SLC22A23: variants seen among roughly 807,000 people sequenced by gnomAD.
SLC22A23 encodes ion transporter protein.
Under a neutral mutation model 61.0 loss-of-function variants are expected in SLC22A23, and 26 were observed. The ratio of observed to expected loss-of-function variants is 0.43; its 90% confidence interval spans 0.31 to 0.59. The LOEUF is 0.59. Ranked by LOEUF, SLC22A23 falls within the 20% of genes least tolerant of loss-of-function variation. The probability of loss-of-function intolerance (pLI) is 0.11; values close to 1 mark genes in which losing one functional copy is unlikely to be tolerated. For missense variants in SLC22A23, 796 were observed against 934.7 expected (o/e 0.85, Z 1.94); for synonymous variants, 430 against 413.9 (o/e 1.04, Z -0.47).
At chr6:3,288,862 T>C (rs1265748356) in intron 6 of SLC22A23, among the ~76,000 whole-genome samples, 2 of 152,182 alleles carry the variant, frequency 1.3e-5, no homozygotes, top group African/African-American at 4.8e-5. Flanking sequence ...GCTCTACTGT[T>C]GTTTGGGCAG....
intron 1 of SLC22A23, among the ~76,000 whole-genome samples, chr6:3,453,511 C>T (rs1463300554): frequency 3.9e-5 from 6 of 152,104 alleles, no homozygotes; most frequent in East Asian, 1.9e-4. Flanking sequence ...TTCTAACTGG[C>T]TTGACAGTTT....
Position 3,330,744 on chromosome 6 carries a change from G to A in SLC22A23, c.914-6742C>T, listed in dbSNP as rs959228526. Reference sequence around the variant, plus strand: ...ACATCTCCCCTTCCGCGTGGAAGGCGTCCTCTTTCCTCTTAACTTAGGATC... The same window carrying A: ...ACATCTCCCCTTCCGCGTGGAAGGCATCCTCTTTCCTCTTAACTTAGGATC... On this transcript the variant is annotated intron_variant, in intron 3 of 9. Transcript: ENST00000406686. This position sits in a 1 kb window ranked among gnomAD's most constrained non-coding sequence, Gnocchi z 4.7. 5.9e-5 allele frequency among the ~76,000 whole-genome samples: 9 copies of A among 152,170 alleles called. No homozygotes were observed. Among genetic ancestry groups the A allele is most frequent in the East Asian group, 1.9e-4 (1 of 5,198 alleles).
intron 3 of SLC22A23, among the ~76,000 whole-genome samples, chr6:3,359,338 T>A (rs1765298924): frequency 6.6e-6 from 1 of 152,196 alleles, no homozygotes; most frequent in African/African-American, 2.4e-5. Context: ...ACTGAGTGGT[T>A]CTCCTTAGGT....
intron 3 of SLC22A23, among the ~76,000 whole-genome samples, chr6:3,331,648 T>C (rs543318218): frequency 2.0e-5 from 3 of 152,372 alleles, no homozygotes; most frequent in African/African-American, 7.2e-5. Context: ...ACTAACATTA[T>C]AATGACTCAA....
chr6:3,287,955 G>A (rs1760203654), intron 6 of SLC22A23, among the ~76,000 whole-genome samples: 1 of 152,176 alleles, frequency 6.6e-6, no homozygotes, highest in Admixed American at 6.5e-5. Context: ...AAAGTGTTGG[G>A]ATTACAGGTG....
rs1348204911 is a variant in SLC22A23 at position 3,324,124 on chromosome 6, G to T, written c.914-122C>A. The T allele has an allele frequency of 3.2e-6, 4 of 1,249,306 alleles. No homozygotes were observed. The African/African-American group carries it at 5.9e-5, about 19-fold the overall frequency. 77.4% of individuals were successfully genotyped at this position (1,249,306 alleles called of 1,614,324 possible). ...ACGACTGAAATTGTTTTCATCTGCT[G>T]CCCACCACAAGTGCCCTATGTGGTG... On this transcript the variant is annotated intron_variant, in intron 3 of 9. Coordinates refer to ENST00000406686, the MANE Select transcript of SLC22A23 (RefSeq NM_015482.2). The surrounding 1 kb of genome is among the most constrained non-coding windows in gnomAD (Gnocchi z 4.3).
chr6:3,444,795 A>C, intron 1 of SLC22A23: 1 of 985,568 alleles, frequency 1.0e-6, no homozygotes, highest in Non-Finnish European at 1.2e-6. Flanking sequence ...CCCTGGATGC[A>C]GGCTTCCTGT....
intron 3 of SLC22A23, among the ~76,000 whole-genome samples, chr6:3,378,657 CTTT>C (rs574704294): frequency 4.2e-5 from 5 of 119,106 alleles, no homozygotes; most frequent in Admixed American, 9.8e-5. Flanking sequence ...TTTCTTTTTT[CTTT>C]TTTTTTTTTT....
intron 9 of SLC22A23, among the ~76,000 whole-genome samples, chr6:3,279,410 C>T (rs2127296443): frequency 6.9e-6 from 1 of 144,634 alleles, no homozygotes; most frequent in South Asian, 2.2e-4. Flanking sequence ...GCTTGGGAGG[C>T]TGAGGCAGGA....
rs561205914 is a variant in SLC22A23 at position 3,329,749 on chromosome 6, G to A, written c.914-5747C>T. Among the ~76,000 whole-genome samples the A allele has an allele frequency of 6.8e-4, 104 of 152,238 alleles. No individual in the cohort carries two copies. Among genetic ancestry groups the A allele is most frequent in the Admixed American group, 1.4e-3 (21 of 15,296 alleles). Reference sequence around the variant, plus strand: ...CGCACCTGGCTCATACTGAAGCCACGGAAGGCTTCCTATGTGTCGCTGGCC... The same window carrying A: ...CGCACCTGGCTCATACTGAAGCCACAGAAGGCTTCCTATGTGTCGCTGGCC... On this transcript the variant is annotated intron_variant, in intron 3 of 9. Coordinates refer to ENST00000406686, the MANE Select transcript of SLC22A23 (RefSeq NM_015482.2). The surrounding 1 kb of genome is among the most constrained non-coding windows in gnomAD (Gnocchi z 4.8).
At chr6:3,375,206 GA>G (rs1266794790) in intron 3 of SLC22A23, among the ~76,000 whole-genome samples, 2 of 152,150 alleles carry the variant, frequency 1.3e-5, no homozygotes, top group African/African-American at 4.8e-5. Flanking sequence ...ACAAGCCTAT[GA>G]AAAAAATGAA....
chr6:3,389,868 A>G (rs2127485447), intron 3 of SLC22A23, among the ~76,000 whole-genome samples: 1 of 152,376 alleles, frequency 6.6e-6, no homozygotes, highest in East Asian at 1.9e-4. Context: ...CACACCCGTT[A>G]GTGGAGAACG....
At chr6:3,383,035 T>C (rs1343289590) in intron 3 of SLC22A23, among the ~76,000 whole-genome samples, 1 of 152,150 alleles carries the variant, frequency 6.6e-6, no homozygotes, top group African/African-American at 2.4e-5. Context: ...AATTGTGTGT[T>C]AGGGTGAAGA....
rs1414833775 is a variant in SLC22A23, at chr6:3,398,481, A to T, written c.913+11707T>A. 8.4e-4 allele frequency among the ~76,000 whole-genome samples: 125 copies of T among 148,990 alleles called. 1 individual carries two copies. Among genetic ancestry groups the T allele is most frequent in the African/African-American group, 3.1e-3 (124 of 40,412 alleles). ...TTTTTTTTTTTTTTTTTTTTACAAGAATCATCAAAAGCCCTGTGGAAGGAA... is the reference window on the plus strand; with the variant it reads ...TTTTTTTTTTTTTTTTTTTTACAAGTATCATCAAAAGCCCTGTGGAAGGAA... On this transcript the variant is annotated intron_variant, in intron 3 of 9. Coordinates refer to ENST00000406686, the MANE Select transcript of SLC22A23 (RefSeq NM_015482.2).
Position 3,309,892 on chromosome 6 carries a change from G to C in SLC22A23, c.1083-11674C>G, listed in dbSNP as rs779927121. On this transcript the variant is annotated intron_variant, in intron 4 of 9. Transcript: ENST00000406686. This position sits in a 1 kb window ranked among gnomAD's most constrained non-coding sequence, Gnocchi z 4.7. ...TGGCCATGCTAATACCCTGCCTGGG[G>C]CTTCATGAATGGCAGAGGCAGGCCT... Among the ~76,000 whole-genome samples, 29 of 152,206 alleles carry C rather than the reference G, an allele frequency of 1.9e-4. No homozygotes were observed. The highest frequency in any genetic ancestry group is 2.5e-4 in the Non-Finnish European group (17 of 68,036).
intron 1 of SLC22A23, among the ~76,000 whole-genome samples, chr6:3,434,414 G>T (rs1050658305): frequency 8.5e-5 from 13 of 152,050 alleles, no homozygotes; most frequent in Non-Finnish European, 1.5e-5. Context: ...ATCGAGACCA[G>T]CCTGGCCAAC....
chr6:3,281,954 A>C (rs953433236), intron 9 of SLC22A23, among the ~76,000 whole-genome samples: 1 of 152,164 alleles, frequency 6.6e-6, no homozygotes, highest in Non-Finnish European at 1.5e-5. Flanking sequence ...TCTATCCTCA[A>C]ATCTTTCCAG....
chr6:3,388,656 C>T (rs753556057), intron 3 of SLC22A23, among the ~76,000 whole-genome samples: 3 of 152,234 alleles, frequency 2.0e-5, no homozygotes, highest in Non-Finnish European at 4.4e-5. Flanking sequence ...CAACTCAAGT[C>T]TCCATCAACT....
At chr6:3,406,108 A>T (rs1361132431) in intron 3 of SLC22A23, among the ~76,000 whole-genome samples, 1 of 152,182 alleles carries the variant, frequency 6.6e-6, no homozygotes, top group Non-Finnish European at 1.5e-5. Context: ...GGTATTGTTC[A>T]TTATTTCAAA....
Sources: allele counts gnomAD v4.1 joint callset (sites outside exome capture counted in the v4.1 genomes callset), GRCh38; gene constraint gnomAD v4.1.1; non-coding constraint Gnocchi (gnomAD v3.1); transcripts MANE v1.5; gene names NCBI Gene and HGNC (gene_info 2026-07-23, HGNC 2026-07-21).